Variants in AIPL1 observed in about 807,000 individuals in gnomAD.
AIPL1 encodes AIP like 1 HSP90 co-chaperone, also known as aryl-hydrocarbon-interacting protein-like 1.
A neutral mutation model predicts 32.9 loss-of-function variants in AIPL1; 23 were observed. The observed-to-expected ratio is 0.70, with a 90% confidence interval of 0.50 to 0.99. The LOEUF (loss-of-function observed/expected upper bound fraction) is 0.99, where lower values mean the gene tolerates loss of function less well. Among genes scored for constraint, AIPL1 ranks in the 50% least tolerant of loss-of-function variants. The pLI, the probability that AIPL1 is intolerant of heterozygous loss-of-function variation, is 0.00. For missense variants in AIPL1, 485 were observed against 506.0 expected (o/e 0.96, Z 0.40); for synonymous variants, 210 against 209.4 (o/e 1.00, Z -0.02).
At position 6,434,356 on chromosome 17, in the gene AIPL1, C is replaced by CTTTT. The variant is rs71381392; in HGVS notation, c.97-262_97-259dup. 8.8e-3 allele frequency among the ~76,000 whole-genome samples: 919 copies of CTTTT among 104,986 alleles called. 38 individuals carry two copies. The highest frequency in any genetic ancestry group is 0.026 in the African/African-American group (705 of 26,638). 68.9% of individuals were successfully genotyped at this position (104,986 alleles called of 152,430 possible). ...ATCCTTCCTCAAGTAAGCCCGAGTTCTTTTTTTTTTTTTTTTTTCTGAGAC... is the reference window on the plus strand; with the variant it reads ...ATCCTTCCTCAAGTAAGCCCGAGTTCTTTTTTTTTTTTTTTTTTTTTTCTGAGAC... On this transcript the variant is annotated intron_variant, in intron 1 of 5. Coordinates refer to ENST00000381129, the MANE Select transcript of AIPL1 (RefSeq NM_014336.5).
At position 6,435,081 on chromosome 17, in the gene AIPL1, G is replaced by T; in HGVS notation, c.24C>A (p.Asn8Lys). 6.2e-7 allele frequency: 1 copy of T among 1,614,172 alleles called. No homozygotes were observed. Among genetic ancestry groups the T allele is most frequent in the East Asian group, 2.2e-5 (1 of 44,864 alleles). MDAALLL[N>K]VEGVKKTILH... The stretch of plus-strand genomic sequence containing the variant: ...GAATGGTTTTCTTGACCCCTTCCAC[G>T]TTCAGGAGCAGAGCGGCATCCATGG... The change falls in exon 1 of 6, where the codon AAC (asparagine) becomes AAA (lysine). Residue 8 changes from asparagine to lysine, a missense_variant. Physicochemically the swap from Asn to Lys is moderately conservative, Grantham distance 94. Transcript: ENST00000381129.
At chr17:6,425,861 C>G (rs757846372) in intron 5 of AIPL1, 31 bp from the exon 6 acceptor site, 1 of 1,596,948 alleles carries the variant, frequency 6.3e-7, no homozygotes, top group South Asian at 1.1e-5. Flanking sequence ...CCAGCTACAG[C>G]TCCCTTCCCA....
intron 2 of AIPL1, among the ~76,000 whole-genome samples, chr17:6,432,591 A>G (rs1912706675): frequency 6.6e-6 from 1 of 152,106 alleles, no homozygotes; most frequent in East Asian, 1.9e-4. Flanking sequence ...TGGAGTTTTT[A>G]AAAGATTTCA....
chr17:6,425,304 ATT>A lies in AIPL1; in HGVS notation c.*154_*155del. On this transcript the variant is annotated 3_prime_UTR_variant, in exon 6 of 6. Transcript: ENST00000381129. ...TCATAAGCTCTTCTGTACCCTTGGG[ATT>A]GTTTTTTTTTTTTTTTTTACCATGG... The A allele has an allele frequency of 3.9e-6, 3 of 779,212 alleles. No homozygotes were observed. Among genetic ancestry groups the A allele is most frequent in the Non-Finnish European group, 3.7e-6 (2 of 538,782 alleles). 48.3% of individuals were successfully genotyped at this position (779,212 alleles called of 1,614,324 possible).
At chr17:6,429,613 T>C (rs1912349024) in intron 2 of AIPL1, among the ~76,000 whole-genome samples, 1 of 152,164 alleles carries the variant, frequency 6.6e-6, no homozygotes, top group Non-Finnish European at 1.5e-5. Flanking sequence ...GAGCGTGCTT[T>C]TGTGGCCCCA....
chr17:6,426,052 AT>A, intron 5 of AIPL1: 2 of 1,114,146 alleles, frequency 1.8e-6, no homozygotes, highest in Non-Finnish European at 2.4e-6. Flanking sequence ...GTAATTTTAT[AT>A]TCATAACTTT....
rs114905548 is a variant in AIPL1 at position 6,427,112 on chromosome 17, T to C, written c.466-55A>G. Reference sequence around the variant, plus strand: ...AGGGACCCCAGGGGCCTGCACCCCATCAGAGACCCGAAAAACAGGACCCTG... The same window carrying C: ...AGGGACCCCAGGGGCCTGCACCCCACCAGAGACCCGAAAAACAGGACCCTG... On this transcript the variant is annotated intron_variant, in intron 3 of 5. Transcript: ENST00000381129. 1.1e-3 allele frequency: 1,742 copies of C among 1,601,268 alleles called. 16 individuals are homozygous for C. In the African/African-American group the frequency reaches 0.021, roughly 20 times the overall value.
At chr17:6,426,118 C>T in intron 5 of AIPL1, 1 of 1,328,690 alleles carries the variant, frequency 7.5e-7, no homozygotes, top group East Asian at 2.9e-5. Flanking sequence ...GGCCCTTTCC[C>T]TGCACCTCCC....
chr17:6,434,223 G>C, intron 1 of AIPL1, 125 bp from the exon 2 acceptor site: 1 of 1,105,434 alleles, frequency 9.0e-7, no homozygotes, highest in Non-Finnish European at 1.3e-6. Context: ...CCCATCAGAT[G>C]CCTCAGACCC....
rs528147345 is a variant in AIPL1, at chr17:6,427,662, C to T, written c.466-605G>A. Among the ~76,000 whole-genome samples the T allele has an allele frequency of 2.0e-5, 3 of 152,244 alleles. No homozygotes were observed. The East Asian group carries it at 5.8e-4, about 29-fold the overall frequency. On this transcript the variant is annotated intron_variant, in intron 3 of 5. Transcript: ENST00000381129. ...GTGGGGAGTTCCATGCAGCCTCTCC[C>T]GCCACTAGAGAACCAAGTCTGAACC...
In AIPL1 at chr17:6,434,052, A is replaced by C; in HGVS notation, c.143T>G (p.Val48Gly). 1 of 1,614,010 alleles carries C rather than the reference A, an allele frequency of 6.2e-7. No homozygotes were observed. Among genetic ancestry groups the C allele is most frequent in the Non-Finnish European group, 8.5e-7 (1 of 1,179,990 alleles). Residue 48 changes from valine (V) to glycine (G), a missense_variant, in exon 2 of 6, where the codon GTC becomes GGC. Physicochemically the swap from Val to Gly is moderately radical, Grantham distance 109 (BLOSUM62 -3). Transcript: ENST00000381129. ...RTMKCDEERT[V>G]IDDSRQVGQP... ...GCCCACCTGCCGACTGTCGTCAATG[A>C]CTGTCCGCTCCTCATCACATTTCAT...
intron 5 of AIPL1, 39 bp from the exon 6 acceptor site, chr17:6,425,869 C>G (rs998881178): frequency 6.3e-7 from 1 of 1,593,526 alleles, no homozygotes; most frequent in Non-Finnish European, 8.5e-7. Context: ...AGCTCCCTTC[C>G]CAGCCTCAGA....
At chr17:6,429,804 G>A (rs1049840724) in intron 2 of AIPL1, among the ~76,000 whole-genome samples, 4 of 121,402 alleles carry the variant, frequency 3.3e-5, no homozygotes, top group African/African-American at 1.2e-4. Context: ...AACTAGATAG[G>A]TAGGTAGGTA....
chr17:6,434,076 A>T lies in AIPL1; in HGVS notation c.119T>A (p.Met40Lys), dbSNP rs1912918119. ...GACTGTCCGCTCCTCATCACATTTC[A>T]TGGTGCGGAAATGAAAGATCACCTA... ...GSRVIFHFRT[M>K]KCDEERTVID... The change falls in exon 2 of 6, where the codon ATG becomes AAG. Residue 40 changes from methionine (M) to lysine (K), a missense_variant. Coordinates refer to ENST00000381129, the MANE Select transcript of AIPL1 (RefSeq NM_014336.5). The T allele has an allele frequency of 1.2e-6, 2 of 1,613,808 alleles. No homozygotes were observed. Among genetic ancestry groups the T allele is most frequent in the Non-Finnish European group, 1.7e-6 (2 of 1,179,970 alleles).
chr17:6,426,885 G>A lies in AIPL1; in HGVS notation c.638C>T (p.Thr213Ile). Reference sequence around the variant, plus strand: ...CCCTGGCCAGCGGCCTCTGACCTTGGTCTGCAGGTTCCTTAGGCAGATGAT... The same window carrying A: ...CCCTGGCCAGCGGCCTCTGACCTTGATCTGCAGGTTCCTTAGGCAGATGAT... ...EAIICLRNLQ[T>I]KEKPWEVQWL... is the part of the protein sequence containing the mutation. Residue 213 changes from threonine to isoleucine, a missense_variant, in exon 4 of 6, where the codon ACC becomes ATC. Thr to Ile is a moderately conservative substitution (Grantham distance 89, BLOSUM62 -1). Transcript: ENST00000381129. 1 of 1,614,166 alleles carries A rather than the reference G, an allele frequency of 6.2e-7. No individual in the cohort carries two copies.
Position 6,425,601 on chromosome 17 carries a change from T to C in AIPL1, c.1014A>G (p.Pro338=). 1 of 1,613,384 alleles carries C rather than the reference T, an allele frequency of 6.2e-7. No homozygotes were observed. Among genetic ancestry groups the C allele is most frequent in the Middle Eastern group, 1.7e-4 (1 of 6,044 alleles). ...ATGACTGTGCGGGTGGCTCTGTGGG[T>C]GGCTCTGCGGGAGGCTGCGTGGCAC... ...SQGATQPPAE[P]PTEPPAQSST... The change falls in exon 6 of 6, where the codon CCA becomes CCG. Residue 338 remains proline (P), a synonymous_variant. Transcript: ENST00000381129.
rs755401403 is a variant in AIPL1 at position 6,426,746 on chromosome 17, C to T, written c.653G>A (p.Trp218Ter). The stretch of plus-strand genomic sequence containing the variant: ...CTCCAGCTTCAGCCACTGCACCTCC[C>T]ATGGCTTCTCCTGCCCAGGGAGAAG... ...LRNLQTKEKP[W>*]EVQWLKLEKM... is the part of the protein sequence containing the mutation. The change falls in exon 5 of 6, where the codon TGG becomes TAG. Residue 218 changes from tryptophan to a stop codon, truncating the protein, a stop_gained. Coordinates refer to ENST00000381129, the MANE Select transcript of AIPL1 (RefSeq NM_014336.5). LOFTEE classifies it high-confidence loss of function. 1.2e-6 allele frequency: 2 copies of T among 1,613,770 alleles called. No individual in the cohort carries two copies. The highest frequency in any genetic ancestry group is 2.2e-5 in the South Asian group (2 of 91,082).
At chr17:6,426,566 G>T (rs1365661210) in intron 5 of AIPL1, 49 bp downstream of exon 5, 1 of 1,595,678 alleles carries the variant, frequency 6.3e-7, no homozygotes, top group Non-Finnish European at 8.5e-7. Flanking sequence ...TGTCTCCGTG[G>T]CCCTGGGCTG....
chr17:6,424,446 G>A lies in AIPL1; in HGVS notation c.*1014C>T, dbSNP rs1170656484. On this transcript the variant is annotated 3_prime_UTR_variant, in exon 6 of 6. Coordinates refer to ENST00000381129, the MANE Select transcript of AIPL1 (RefSeq NM_014336.5). ...GAACTGCCCTGAGCTGCTGCTCGCT[G>A]CCTATGGGGTAGCCCTGCTCTGCAG... 1 of 152,274 alleles carries A rather than the reference G, an allele frequency of 6.6e-6. No homozygotes were observed. Among genetic ancestry groups the A allele is most frequent in the African/African-American group, 2.4e-5 (1 of 41,460 alleles). The allele number at this position is 152,274 out of a possible 1,614,324, so 9.4% of individuals were successfully genotyped here.
Sources: allele counts gnomAD v4.1 joint callset (sites outside exome capture counted in the v4.1 genomes callset), GRCh38; gene constraint gnomAD v4.1.1; transcripts MANE v1.5; gene names NCBI Gene and HGNC (gene_info 2026-07-23, HGNC 2026-07-21).